Variants in UTP25 observed in about 807,000 individuals in gnomAD.
UTP25 encodes UTP25 small subunit processome component.
In UTP25, 50 loss-of-function variants were observed where a neutral mutation model predicts 78.9. That is an observed-to-expected ratio of 0.63 (90% CI 0.50 to 0.80). The LOEUF (loss-of-function observed/expected upper bound fraction) is 0.80, where lower values mean the gene tolerates loss of function less well. Ranked by LOEUF, UTP25 falls within the 30% of genes least tolerant of loss-of-function variation. The pLI, the probability that UTP25 is intolerant of heterozygous loss-of-function variation, is 0.00. For synonymous variants in UTP25, 329 were observed against 336.5 expected, an observed-to-expected ratio of 0.98 and a Z score of 0.24; for missense variants, 846 against 911.3, an observed-to-expected ratio of 0.93 and a Z score of 0.92.
chr1:209,830,015 A>G (rs1457285820), intron 1 of UTP25, 93 bp from the exon 2 acceptor site: 1 of 1,107,752 alleles, frequency 9.0e-7, no homozygotes, highest in African/African-American at 1.6e-5. Flanking sequence ...TTATAATGTT[A>G]TATTCTGCCT....
chr1:209,837,677 C>T (rs375802663), intron 6 of UTP25, among the ~76,000 whole-genome samples: 70 of 152,168 alleles, frequency 4.6e-4, no homozygotes, highest in African/African-American at 1.7e-3. Flanking sequence ...TTCACTAAGC[C>T]ACATACATAC....
intron 7 of UTP25, among the ~76,000 whole-genome samples, chr1:209,839,854 G>A (rs571036872): frequency 1.1e-4 from 16 of 152,314 alleles, no homozygotes; most frequent in African/African-American, 3.4e-4. Flanking sequence ...TGTGTGCAAC[G>A]GTTGTTCTCG....
intron 6 of UTP25, among the ~76,000 whole-genome samples, chr1:209,837,928 A>G (rs1465790935): frequency 6.6e-6 from 1 of 152,218 alleles, no homozygotes; most frequent in East Asian, 1.9e-4. Context: ...TGAGTTTAAT[A>G]GGATTCTAGA....
Position 209,835,144 on chromosome 1 carries a change from A to G in UTP25, c.632A>G (p.Lys211Arg). 6.2e-7 allele frequency: 1 copy of G among 1,613,760 alleles called. No individual in the cohort carries two copies. Among genetic ancestry groups the G allele is most frequent in the South Asian group, 1.1e-5 (1 of 91,066 alleles). The change falls in exon 5 of 12, where the codon AAA (lysine) becomes AGA (arginine). Residue 211 changes from lysine (K) to arginine (R), a missense_variant. By Grantham distance (26) the Lys-to-Arg change is conservative. Coordinates refer to ENST00000491415, the MANE Select transcript of UTP25 (RefSeq NM_014388.7). Reference sequence around the variant, plus strand: ...ATTCAGGCTGTTGCCACAAATCCCAAAACTACCCACGAGCTTAAAGTAAGT... The same window carrying G: ...ATTCAGGCTGTTGCCACAAATCCCAGAACTACCCACGAGCTTAAAGTAAGT... ...KAIQAVATNPKTTHELKWPIL... is the reference protein window; with the variant it reads ...KAIQAVATNPRTTHELKWPIL...
At position 209,857,099 on chromosome 1, in the gene UTP25, T is replaced by C. The variant is rs989190753; in HGVS notation, c.*5652T>C. On this transcript the variant is annotated 3_prime_UTR_variant, in exon 12 of 12. Coordinates refer to ENST00000491415, the MANE Select transcript of UTP25 (RefSeq NM_014388.7). ...CCGTGAATTACCTATAGGTCATCCC[T>C]AAGAGGTGGCCTCCAGCTTCTGCTT... 1.3e-5 allele frequency: 2 copies of C among 152,118 alleles called. No individual in the cohort carries two copies. Among genetic ancestry groups the C allele is most frequent in the African/African-American group, 4.8e-5 (2 of 41,430 alleles). The allele number at this position is 152,118 out of a possible 1,614,324, so 9.4% of individuals were successfully genotyped here. A position where few individuals can be genotyped will look rare whatever the true frequency, so the allele number is the denominator to read the frequency against.
intron 1 of UTP25, among the ~76,000 whole-genome samples, chr1:209,828,760 T>C (rs969140879): frequency 4.9e-5 from 7 of 142,990 alleles, no homozygotes; most frequent in South Asian, 4.4e-4. Flanking sequence ...GACACACATA[T>C]ATATATGTAT....
chr1:209,846,383 C>T (rs953247052), intron 11 of UTP25, among the ~76,000 whole-genome samples: 21 of 152,090 alleles, frequency 1.4e-4, no homozygotes, highest in African/African-American at 4.8e-4. Flanking sequence ...TTTTCCAGTG[C>T]GTTATCAGTG....
At chr1:209,846,577 A>G (rs2078198005) in intron 11 of UTP25, among the ~76,000 whole-genome samples, 1 of 152,204 alleles carries the variant, frequency 6.6e-6, no homozygotes, top group Non-Finnish European at 1.5e-5. Flanking sequence ...TTTCAAGTTC[A>G]TTGTGGTTGC....
intron 3 of UTP25, among the ~76,000 whole-genome samples, chr1:209,832,073 A>G (rs931959793): frequency 1.5e-4 from 22 of 151,712 alleles, no homozygotes; most frequent in African/African-American, 5.3e-4. Context: ...AAATTCATTG[A>G]CTTACACTTA....
intron 3 of UTP25, among the ~76,000 whole-genome samples, chr1:209,831,864 AATTT>A (rs2078105688): frequency 6.6e-6 from 1 of 152,162 alleles, no homozygotes; most frequent in South Asian, 2.1e-4. Flanking sequence ...ATGTTTTTCT[AATTT>A]ATTTGTGTTG....
In UTP25 at chr1:209,851,689, G is replaced by T. The variant is rs970839673; in HGVS notation, c.*242G>T. ...GAGGGGGCTAGAAGGACTCTGAGAA[G>T]TTGGTAGAAGAAAACTCCCACTTGT... On this transcript the variant is annotated 3_prime_UTR_variant, in exon 12 of 12. Transcript: ENST00000491415. 2.5e-5 allele frequency: 9 copies of T among 356,140 alleles called. No homozygotes were observed. In the East Asian group the frequency reaches 2.8e-4, roughly 11 times the overall value. The allele number at this position is 356,140 out of a possible 1,614,324, so 22.1% of individuals were successfully genotyped here.
At position 209,837,162 on chromosome 1, in the gene UTP25, G is replaced by A. The variant is rs2078138378; in HGVS notation, c.1013G>A (p.Gly338Glu). 4 of 1,614,132 alleles carry A rather than the reference G, an allele frequency of 2.5e-6. No homozygotes were observed. The highest frequency in any genetic ancestry group is 3.4e-6 in the Non-Finnish European group (4 of 1,180,020). Residue 338 changes from glycine to glutamate, a missense_variant, in exon 6 of 12, where the codon GGA (glycine) becomes GAA (glutamate). Gly to Glu is a moderately conservative substitution (Grantham distance 98). Transcript: ENST00000491415. ...AGCAGACGCCGAAGCCAGAAGTTTGGAGTGGGTGATGATGATGACTTCAGA... is the reference window on the plus strand; with the variant it reads ...AGCAGACGCCGAAGCCAGAAGTTTGAAGTGGGTGATGATGATGACTTCAGA... ...NNSRRRSQKF[G>E]VGDDDDFRDQ...
Position 209,851,709 on chromosome 1 carries a change from A to G in UTP25, c.*262A>G. 1 of 317,402 alleles carries G rather than the reference A, an allele frequency of 3.2e-6. No homozygotes were observed. The highest frequency in any genetic ancestry group is 5.8e-6 in the Non-Finnish European group (1 of 173,818). 19.7% of individuals were successfully genotyped at this position (317,402 alleles called of 1,614,324 possible). A position where few individuals can be genotyped will look rare whatever the true frequency, so the allele number is the denominator to read the frequency against. ...GAGAAGTTGGTAGAAGAAAACTCCC[A>G]CTTGTGAATATTTTTGTGAGACATA... On this transcript the variant is annotated 3_prime_UTR_variant, in exon 12 of 12. Transcript: ENST00000491415.
chr1:209,846,178 T>C (rs1381486699), intron 11 of UTP25, among the ~76,000 whole-genome samples: 2 of 152,196 alleles, frequency 1.3e-5, no homozygotes. Flanking sequence ...ATGTATTTTA[T>C]ATTGTAGTAT....
chr1:209,833,121 A>G (rs190857316), intron 3 of UTP25, 64 bp from the exon 4 acceptor site: 66 of 1,481,300 alleles, frequency 4.5e-5, no homozygotes, highest in Non-Finnish European at 1.0e-5. Context: ...AAGGAAATAA[A>G]TTTTGTCAAC....
chr1:209,853,409 T>G lies in UTP25; in HGVS notation c.*1962T>G, dbSNP rs1468023024. ...TCTCGCTCTGTTGCCCAGGCTGGAG[T>G]ACACTGGCATGATCTTGGCTTACTG... On this transcript the variant is annotated 3_prime_UTR_variant, in exon 12 of 12. Transcript: ENST00000491415. 6.6e-6 allele frequency: 1 copy of G among 150,410 alleles called. No individual in the cohort carries two copies. Among genetic ancestry groups the G allele is most frequent in the Admixed American group, 6.7e-5 (1 of 14,944 alleles). 9.3% of individuals were successfully genotyped at this position (150,410 alleles called of 1,614,324 possible). A position where few individuals can be genotyped will look rare whatever the true frequency, so the allele number is the denominator to read the frequency against.
Position 209,851,953 on chromosome 1 carries a change from T to G in UTP25, c.*506T>G, listed in dbSNP as rs1263482511. 1 of 153,902 alleles carries G rather than the reference T, an allele frequency of 6.5e-6. No homozygotes were observed. Among genetic ancestry groups the G allele is most frequent in the Non-Finnish European group, 1.4e-5 (1 of 69,132 alleles). 9.5% of individuals were successfully genotyped at this position (153,902 alleles called of 1,614,324 possible). A position where few individuals can be genotyped will look rare whatever the true frequency, so the allele number is the denominator to read the frequency against. ...GCCCCAGCCAAACTTTTTTGAAACC[T>G]TAAATAGTCTACCTTAATTCAGCCT... On this transcript the variant is annotated 3_prime_UTR_variant, in exon 12 of 12. Coordinates refer to ENST00000491415, the MANE Select transcript of UTP25 (RefSeq NM_014388.7).
rs750757976 is a variant in UTP25, at chr1:209,828,016, G to A, written c.-48G>A. 10 of 1,481,104 alleles carry A rather than the reference G, an allele frequency of 6.8e-6. No individual in the cohort carries two copies. Among genetic ancestry groups the A allele is most frequent in the Middle Eastern group, 3.5e-4 (2 of 5,756 alleles). The allele number at this position is 1,481,104 out of a possible 1,614,324, so 91.7% of individuals were successfully genotyped here. A position where few individuals can be genotyped will look rare whatever the true frequency, so the allele number is the denominator to read the frequency against. ...GCTTGTGTTGACTGGACAACTTCCT[G>A]GTGGAAAACCGCGACTCTTGCAAGT... is the stretch of plus-strand genomic sequence containing the variant. On this transcript the variant is annotated 5_prime_UTR_variant, in exon 1 of 12. Transcript: ENST00000491415.
At chr1:209,831,842 T>C (rs768303350) in intron 3 of UTP25, among the ~76,000 whole-genome samples, 8 of 152,200 alleles carry the variant, frequency 5.3e-5, no homozygotes, top group African/African-American at 1.4e-4. Flanking sequence ...TGTCTAGCTA[T>C]TTTTGCTTCT....
Sources: gnomAD v4.1 joint callset for allele counts (sites outside exome capture counted in the v4.1 genomes callset) on GRCh38, gnomAD v4.1.1 for gene constraint, MANE v1.5 for transcripts, NCBI Gene and HGNC (gene_info 2026-07-23, HGNC 2026-07-21) for gene names.